The following LRP1B variants were observed in gnomAD, a reference collection of about 807,000 sequenced individuals.
The protein encoded by LRP1B is LDL receptor related protein 1B, also known as low-density lipoprotein receptor-related protein 1B.
In LRP1B, 217 loss-of-function variants were observed where a neutral mutation model predicts 556.6. The observed-to-expected ratio is 0.39, with a 90% CI of 0.35 to 0.44. LRP1B has a LOEUF of 0.44. Ranked by LOEUF, LRP1B falls within the 20% of genes least tolerant of loss-of-function variation. The pLI is 1.00. For synonymous variants in LRP1B, 2,047 were observed against 1,865.8 expected, an observed-to-expected ratio of 1.10 and a Z score of -2.50; for missense variants, 5,053 against 5,620.8, an observed-to-expected ratio of 0.90 and a Z score of 3.23.
At chr2:142,020,112 C>A (rs1391157389) in intron 1 of LRP1B, among the ~76,000 whole-genome samples, 1 of 152,192 alleles carries the variant, frequency 6.6e-6, no homozygotes, top group East Asian at 1.9e-4. Flanking sequence ...GTATCCCCAT[C>A]AAAATTGCAA....
chr2:140,824,781 A>C (rs560006911), intron 31 of LRP1B, among the ~76,000 whole-genome samples: 1 of 152,256 alleles, frequency 6.6e-6, no homozygotes, highest in East Asian at 1.9e-4. Context: ...TCCAGTGGAA[A>C]TATTCTTTCT....
Position 140,516,996 on chromosome 2 carries a change from T to A in LRP1B, c.8042A>T (p.Lys2681Ile), listed in dbSNP as rs2104939585. The A allele has an allele frequency of 6.3e-7, 1 of 1,589,948 alleles. No homozygotes were observed. Among genetic ancestry groups the A allele is most frequent in the Non-Finnish European group, 8.6e-7 (1 of 1,158,190 alleles). ...ACAACTAAAATAATTTTCTTCACAT[T>A]TGTGTTTGTTTTGAACTGTGATAAA... ...ELKCPVQNKH[K>I]CEENYFSCPS... is the part of the protein sequence containing the mutation. The change falls in exon 50 of 91, where the codon AAA becomes ATA. Residue 2681 changes from lysine (K) to isoleucine (I), a missense_variant. By Grantham distance (102) the Lys-to-Ile change is moderately radical. Transcript: ENST00000389484.
intron 1 of LRP1B, among the ~76,000 whole-genome samples, chr2:141,875,597 T>A (rs932924777): frequency 1.6e-4 from 25 of 151,972 alleles, no homozygotes; most frequent in Non-Finnish European, 3.4e-4. Context: ...TGACAATTAT[T>A]CAATTTCATA....
intron 3 of LRP1B, among the ~76,000 whole-genome samples, chr2:141,265,740 C>T (rs1490461843): frequency 2.0e-5 from 3 of 152,110 alleles, no homozygotes; most frequent in Admixed American, 1.3e-4. Flanking sequence ...ATGTATATCT[C>T]CCCATCCTTT....
At chr2:141,820,986 A>G (rs1433326415) in intron 1 of LRP1B, among the ~76,000 whole-genome samples, 2 of 152,228 alleles carry the variant, frequency 1.3e-5, no homozygotes, top group Admixed American at 6.5e-5. Context: ...AGTGGGCCCA[A>G]TATCATCACA....
chr2:141,604,420 A>T (rs1277894545), intron 2 of LRP1B, among the ~76,000 whole-genome samples: 1 of 152,098 alleles, frequency 6.6e-6, no homozygotes, highest in Non-Finnish European at 1.5e-5. Flanking sequence ...GAGGCAGGAG[A>T]CAGACAAATC....
intron 2 of LRP1B, among the ~76,000 whole-genome samples, chr2:141,589,583 C>T (rs1687262683): frequency 6.6e-6 from 1 of 152,100 alleles, no homozygotes; most frequent in South Asian, 2.1e-4. Flanking sequence ...CCAAATAACA[C>T]ACTTGTTAAA....
chr2:140,764,179 G>C (rs1182738304), intron 35 of LRP1B, among the ~76,000 whole-genome samples: 1 of 152,092 alleles, frequency 6.6e-6, no homozygotes, highest in Non-Finnish European at 1.5e-5. Flanking sequence ...ATAAAAAAGA[G>C]AGAGACTCAT....
chr2:141,528,097 C>T (rs756118460), intron 2 of LRP1B, among the ~76,000 whole-genome samples: 18 of 151,680 alleles, frequency 1.2e-4, no homozygotes, highest in Non-Finnish European at 2.4e-4. Flanking sequence ...TCACTATTTA[C>T]TCCCCTAGAT....
At chr2:141,350,619 A>C (rs1294833263) in intron 3 of LRP1B, among the ~76,000 whole-genome samples, 1 of 152,094 alleles carries the variant, frequency 6.6e-6, no homozygotes, top group Non-Finnish European at 1.5e-5. Context: ...TTAAACATTA[A>C]ATCTGGAATA....
At chr2:142,076,598 G>A (rs574489936) in intron 1 of LRP1B, among the ~76,000 whole-genome samples, 1 of 152,206 alleles carries the variant, frequency 6.6e-6, no homozygotes, top group South Asian at 2.1e-4. Flanking sequence ...GGATAAGAAG[G>A]AGTCCTGGAA....
intron 3 of LRP1B, among the ~76,000 whole-genome samples, chr2:141,390,303 G>A (rs1026848032): frequency 5.3e-5 from 8 of 152,074 alleles, no homozygotes; most frequent in Non-Finnish European, 8.8e-5. Flanking sequence ...AAAAAAAAGC[G>A]TTGATGAGAA....
intron 66 of LRP1B, among the ~76,000 whole-genome samples, chr2:140,422,115 G>C (rs565131104): frequency 1.5e-4 from 23 of 152,096 alleles, no homozygotes; most frequent in Non-Finnish European, 2.4e-4. Context: ...AATATTTATC[G>C]GTGTCAGATT....
chr2:141,924,574 C>T (rs561726520), intron 1 of LRP1B, among the ~76,000 whole-genome samples: 4 of 152,248 alleles, frequency 2.6e-5, no homozygotes, highest in East Asian at 1.9e-4. Flanking sequence ...ACTGAGGACA[C>T]AGGCACCCAC....
intron 1 of LRP1B, among the ~76,000 whole-genome samples, chr2:142,060,980 A>G (rs1704884082): frequency 6.6e-6 from 1 of 151,958 alleles, no homozygotes; most frequent in Non-Finnish European, 1.5e-5. Flanking sequence ...TTAAGGAAAC[A>G]GGAGTGAAGT....
chr2:141,296,461 A>G (rs1215645969), intron 3 of LRP1B, among the ~76,000 whole-genome samples: 1 of 152,218 alleles, frequency 6.6e-6, no homozygotes, highest in African/African-American at 2.4e-5. Context: ...AGTCTAACCC[A>G]GGATTTTGCA....
chr2:142,093,578 A>G (rs1706251990), intron 1 of LRP1B, among the ~76,000 whole-genome samples: 1 of 152,072 alleles, frequency 6.6e-6, no homozygotes, highest in South Asian at 2.1e-4. Context: ...CTAGTACTAG[A>G]AAACCAGAAA....
chr2:141,045,537 C>G (rs1209520727), intron 11 of LRP1B, among the ~76,000 whole-genome samples: 1 of 152,014 alleles, frequency 6.6e-6, no homozygotes, highest in African/African-American at 2.4e-5. Context: ...AATTCTCTAA[C>G]CATTTAATCT....
At position 140,234,786 on chromosome 2, in the gene LRP1B, C is replaced by T; in HGVS notation, c.13659G>A (p.Gly4553=). ...GAAATAACGAATATTCTTCTCTCAC[C>T]CCAGCAGTTAGTGGTCCTTTCAAAT... The part of the protein sequence containing the change: ...NSDLKGPLTA[G]PTNYSNPVYA... The change falls in exon 90 of 91, where the codon GGG becomes GGA. Residue 4553 remains glycine, a splice_region_variant and synonymous_variant. Coordinates refer to ENST00000389484, the MANE Select transcript of LRP1B (RefSeq NM_018557.3). The T allele has an allele frequency of 1.3e-6, 1 of 773,750 alleles. No homozygotes were observed. Among genetic ancestry groups the T allele is most frequent in the Non-Finnish European group, 2.4e-6 (1 of 413,888 alleles). The allele number at this position is 773,750 out of a possible 1,614,324, so 47.9% of individuals were successfully genotyped here.
Sources: gnomAD v4.1 joint callset for allele counts (sites outside exome capture counted in the v4.1 genomes callset) on GRCh38, gnomAD v4.1.1 for gene constraint, MANE v1.5 for transcripts, NCBI Gene and HGNC (gene_info 2026-07-23, HGNC 2026-07-21) for gene names.